Variants in CHSY3 observed in about 807,000 individuals in gnomAD.
The protein encoded by CHSY3 is N-acetylgalactosaminyl-proteoglycan 3-beta-glucuronosyltransferase 3.
Under a neutral mutation model 67.2 loss-of-function variants are expected in CHSY3, and 35 were observed. The observed-to-expected ratio is 0.52, with a 90% confidence interval of 0.40 to 0.69. CHSY3 has a LOEUF of 0.69. CHSY3 is among the 30% of genes least tolerant of loss of function. CHSY3 has a pLI of 0.00. For synonymous variants in CHSY3, 474 were observed against 434.7 expected, an observed-to-expected ratio of 1.09 and a Z score of -1.12; for missense variants, 1,069 against 1,138.5, an observed-to-expected ratio of 0.94 and a Z score of 0.88.
At chr5:130,144,925 G>A (rs1769026167) in intron 2 of CHSY3, among the ~76,000 whole-genome samples, 1 of 152,116 alleles carries the variant, frequency 6.6e-6, no homozygotes. Flanking sequence ...TTGGCTTCTG[G>A]GGAGGCCTCA....
At chr5:130,097,347 C>G (rs1767083341) in intron 2 of CHSY3, among the ~76,000 whole-genome samples, 1 of 152,174 alleles carries the variant, frequency 6.6e-6, no homozygotes, top group Non-Finnish European at 1.5e-5. Flanking sequence ...AGACTTCTAC[C>G]CTGTTTTTCG....
intron 2 of CHSY3, among the ~76,000 whole-genome samples, chr5:130,067,512 A>G (rs996420817): frequency 2.0e-5 from 3 of 152,136 alleles, no homozygotes; most frequent in African/African-American, 7.2e-5. Flanking sequence ...GTATTTATAT[A>G]AAACAGACTT....
At position 130,184,218 on chromosome 5, in the gene CHSY3, TTAC is replaced by T. The variant is rs1770337325; in HGVS notation, c.1087-9_1087-7del. 5 of 1,462,058 alleles carry T rather than the reference TTAC, an allele frequency of 3.4e-6. No individual in the cohort carries two copies. The East Asian group carries it at 1.2e-4, about 35-fold the overall frequency. The allele number at this position is 1,462,058 out of a possible 1,614,324, so 90.6% of individuals were successfully genotyped here. A position where few individuals can be genotyped will look rare whatever the true frequency, so the allele number is the denominator to read the frequency against. The stretch of plus-strand genomic sequence containing the variant: ...AAAATTAACCCTGATTTTTTTAATT[TTAC>T]TTTTCAGATGCAACAACTGTTCCAT... On this transcript the variant is annotated splice_region_variant and splice_polypyrimidine_tract_variant and intron_variant, in intron 2 of 2. Coordinates refer to ENST00000305031, the MANE Select transcript of CHSY3 (RefSeq NM_175856.5).
intron 2 of CHSY3, among the ~76,000 whole-genome samples, chr5:130,118,832 C>A (rs916931551): frequency 2.9e-4 from 44 of 152,172 alleles, no homozygotes; most frequent in South Asian, 1.9e-3. Context: ...CCAGGTGTGT[C>A]ATTAAGCGAG....
intron 2 of CHSY3, among the ~76,000 whole-genome samples, chr5:130,173,113 A>T (rs2149733645): frequency 6.6e-6 from 1 of 152,258 alleles, no homozygotes; most frequent in Non-Finnish European, 1.5e-5. Flanking sequence ...TCAAATTCAA[A>T]TGTATTCAAA....
chr5:130,147,370 G>C (rs1251084804), intron 2 of CHSY3, among the ~76,000 whole-genome samples: 3 of 152,082 alleles, frequency 2.0e-5, no homozygotes, highest in African/African-American at 7.2e-5. Context: ...CTGCTAATTT[G>C]CATGGTTGCT....
intron 2 of CHSY3, among the ~76,000 whole-genome samples, chr5:130,180,815 A>G (rs1172939355): frequency 1.3e-5 from 2 of 152,222 alleles, no homozygotes; most frequent in East Asian, 1.9e-4. Context: ...AGGCCACTGC[A>G]TTCCAGCCTC....
intron 2 of CHSY3, among the ~76,000 whole-genome samples, chr5:130,033,060 G>T (rs1440743470): frequency 6.6e-6 from 1 of 152,160 alleles, no homozygotes; most frequent in Non-Finnish European, 1.5e-5. Flanking sequence ...AGATGAAGCC[G>T]ACAGCTGGAG....
rs555252393 is a variant in CHSY3 at position 130,131,670 on chromosome 5, G to C, written c.1087-52559G>C. On this transcript the variant is annotated intron_variant, in intron 2 of 2. Coordinates refer to ENST00000305031, the MANE Select transcript of CHSY3 (RefSeq NM_175856.5). ...ATTAAAACCCAGGTAGTTGCTCTCA[G>C]AGCCTGTATGGTAAACTATCACAGG... Among the ~76,000 whole-genome samples the C allele has an allele frequency of 1.1e-3, 172 of 152,264 alleles. 2 individuals are homozygous for C. Among genetic ancestry groups the C allele is most frequent in the African/African-American group, 3.9e-3 (160 of 41,550 alleles).
At chr5:130,029,141 G>A (rs1030237332) in intron 2 of CHSY3, among the ~76,000 whole-genome samples, 11 of 152,034 alleles carry the variant, frequency 7.2e-5, no homozygotes, top group South Asian at 4.1e-4. Flanking sequence ...TGCCCCAATC[G>A]TCACAGAAGT....
chr5:129,995,379 T>C (rs1429867971), intron 2 of CHSY3, among the ~76,000 whole-genome samples: 1 of 152,100 alleles, frequency 6.6e-6, no homozygotes, highest in Admixed American at 6.6e-5. Context: ...ACCCTGGGGT[T>C]GGCCTCTGCA....
intron 2 of CHSY3, among the ~76,000 whole-genome samples, chr5:130,055,933 G>A (rs1765518194): frequency 6.6e-6 from 1 of 152,042 alleles, no homozygotes. Flanking sequence ...AATGATGCTG[G>A]TAGAAAGATT....
chr5:130,131,753 GA>G (rs1768490080), intron 2 of CHSY3, among the ~76,000 whole-genome samples: 1 of 152,084 alleles, frequency 6.6e-6, no homozygotes, highest in Non-Finnish European at 1.5e-5. Flanking sequence ...TCAACCTCAT[GA>G]TATCCACTAG....
intron 2 of CHSY3, among the ~76,000 whole-genome samples, chr5:130,143,916 C>T (rs1442417962): frequency 2.1e-5 from 3 of 142,602 alleles, no homozygotes; most frequent in Non-Finnish European, 4.5e-5. Context: ...TATACTTTTA[C>T]TAACTGCATA....
Position 130,056,918 on chromosome 5 carries a change from CTTTT to C in CHSY3, c.1087-127289_1087-127286del, listed in dbSNP as rs58326964. Among the ~76,000 whole-genome samples the C allele has an allele frequency of 7.2e-3, 403 of 56,178 alleles. 1 individual carries two copies. Among genetic ancestry groups the C allele is most frequent in the African/African-American group, 0.022 (356 of 16,150 alleles). The allele number at this position is 56,178 out of a possible 152,430, so 36.9% of individuals were successfully genotyped here. On this transcript the variant is annotated intron_variant, in intron 2 of 2. Transcript: ENST00000305031. ...ATATGTTTATTTTTAGCATTTCTTT[CTTTT>C]TTTTTTTTTTTTTTTTTTTTTGACA... is the stretch of plus-strand genomic sequence containing the variant.
chr5:130,015,134 G>T (rs1349983460), intron 2 of CHSY3, among the ~76,000 whole-genome samples: 2 of 152,086 alleles, frequency 1.3e-5, no homozygotes, highest in Non-Finnish European at 2.9e-5. Context: ...TTTTTCTCAT[G>T]AGATCTGATG....
intron 2 of CHSY3, among the ~76,000 whole-genome samples, chr5:130,126,521 T>C (rs1290416582): frequency 6.6e-6 from 1 of 151,972 alleles, no homozygotes; most frequent in Non-Finnish European, 1.5e-5. Context: ...AATTTTGTTA[T>C]GGTAGAGAGA....
intron 2 of CHSY3, among the ~76,000 whole-genome samples, chr5:129,997,996 A>C (rs567194981): frequency 6.6e-6 from 1 of 152,306 alleles, no homozygotes; most frequent in Non-Finnish European, 1.5e-5. Context: ...TTATGGTAGC[A>C]TGATTTATTA....
intron 2 of CHSY3, among the ~76,000 whole-genome samples, chr5:130,105,605 C>T (rs1005221573): frequency 6.6e-6 from 1 of 151,774 alleles, no homozygotes; most frequent in East Asian, 1.9e-4. Flanking sequence ...TATGCACATT[C>T]CTATGCAGTG....
Sources: allele counts gnomAD v4.1 joint callset (sites outside exome capture counted in the v4.1 genomes callset), GRCh38; gene constraint gnomAD v4.1.1; transcripts MANE v1.5; gene names NCBI Gene and HGNC (gene_info 2026-07-23, HGNC 2026-07-21).